The following APP variants were observed in gnomAD, a reference collection of about 807,000 sequenced individuals.
APP encodes the protein amyloid beta precursor protein, also known as amyloid-beta precursor protein.
A neutral mutation model predicts 101.4 loss-of-function variants in APP; 31 were observed. That is an observed-to-expected ratio of 0.31 (90% CI 0.23 to 0.41). The LOEUF (loss-of-function observed/expected upper bound fraction) is 0.41, where lower values mean the gene tolerates loss of function less well. APP is among the 10% of genes least tolerant of loss of function. The pLI, the probability that APP is intolerant of heterozygous loss-of-function variation, is 1.00. For synonymous variants in APP, 366 were observed against 364.4 expected (o/e 1.00, Z -0.05); for missense variants, 839 against 1,003.7 (o/e 0.84, Z 2.22).
In APP at chr21:25,905,007, T is replaced by C. The variant is rs1236508947; in HGVS notation, c.1963+17A>G. On this transcript the variant is annotated intron_variant, in intron 15 of 17. Coordinates refer to ENST00000346798, the MANE Select transcript of APP (RefSeq NM_000484.4). ...GGCCCAAGATGCGGAGAGGCACAAG[T>C]CAAGCGGTTCTGATACCTGGTCGAG... 1.2e-6 allele frequency: 2 copies of C among 1,612,808 alleles called. No homozygotes were observed. Among genetic ancestry groups the C allele is most frequent in the African/African-American group, 2.7e-5 (2 of 74,864 alleles).
chr21:25,927,176 C>T (rs2039937628), intron 13 of APP, among the ~76,000 whole-genome samples: 1 of 152,132 alleles, frequency 6.6e-6, no homozygotes, highest in Non-Finnish European at 1.5e-5. Flanking sequence ...CACGGAGATT[C>T]CTGATGGTGG....
rs1452072147 is a variant in APP, at chr21:25,881,373, T to A, written c.*297A>T. ...GGCTAAGGGGCTATGTGATAAATAA[T>A]CAGGAGAGAATCTATTCATGCACTA... On this transcript the variant is annotated 3_prime_UTR_variant, in exon 18 of 18. Coordinates refer to ENST00000346798, the MANE Select transcript of APP (RefSeq NM_000484.4). The A allele has an allele frequency of 2.2e-6, 1 of 452,146 alleles. No homozygotes were observed. The highest frequency in any genetic ancestry group is 4.5e-5 in the East Asian group (1 of 22,190). The allele number at this position is 452,146 out of a possible 1,614,324, so 28.0% of individuals were successfully genotyped here. A position where few individuals can be genotyped will look rare whatever the true frequency, so the allele number is the denominator to read the frequency against.
chr21:26,106,391 G>T (rs1051755589), intron 2 of APP, among the ~76,000 whole-genome samples: 1 of 152,058 alleles, frequency 6.6e-6, no homozygotes, highest in Non-Finnish European at 1.5e-5. Context: ...TTGTTTAGGG[G>T]GTTTTTATCA....
chr21:26,152,355 AAAC>A (rs2063295756), intron 1 of APP, among the ~76,000 whole-genome samples: 1 of 151,454 alleles, frequency 6.6e-6, no homozygotes, highest in Non-Finnish European at 1.5e-5. Flanking sequence ...ATGTACAAAC[AAAC>A]AAAACAAAAC....
intron 6 of APP, among the ~76,000 whole-genome samples, chr21:26,013,165 CAGTT>C (rs905912594): frequency 3.3e-5 from 5 of 151,970 alleles, no homozygotes; most frequent in African/African-American, 1.2e-4. Flanking sequence ...AAAAATACAA[CAGTT>C]AGCCAGGCGC....
At chr21:26,167,113 C>A (rs1250654330) in intron 1 of APP, among the ~76,000 whole-genome samples, 1 of 152,198 alleles carries the variant, frequency 6.6e-6, no homozygotes. Context: ...TTGTTCCTTA[C>A]TTTTTAAATA....
chr21:26,034,151 GCAT>G (rs1568887138), intron 5 of APP, among the ~76,000 whole-genome samples: 16 of 152,130 alleles, frequency 1.1e-4, no homozygotes, highest in African/African-American at 3.6e-4. Context: ...CTCACTTTCT[GCAT>G]GGATAATATG....
intron 3 of APP, among the ~76,000 whole-genome samples, chr21:26,064,801 C>G (rs2046397543): frequency 6.6e-6 from 1 of 152,288 alleles, no homozygotes; most frequent in Middle Eastern, 3.4e-3. Context: ...AGGAATGGCT[C>G]TCTGGGTTAG....
At chr21:26,106,979 G>T (rs762176500) in intron 2 of APP, among the ~76,000 whole-genome samples, 3 of 152,170 alleles carry the variant, frequency 2.0e-5, no homozygotes, top group Non-Finnish European at 4.4e-5. Context: ...CCAAAAACAA[G>T]ATATGAGCAA....
chr21:26,047,250 G>A (rs1474809309), intron 5 of APP, among the ~76,000 whole-genome samples: 2 of 152,244 alleles, frequency 1.3e-5, no homozygotes, highest in East Asian at 3.9e-4. Flanking sequence ...ATCAAAACAA[G>A]CCTCATTAAC....
At chr21:26,163,128 C>T (rs913354692) in intron 1 of APP, among the ~76,000 whole-genome samples, 1 of 148,648 alleles carries the variant, frequency 6.7e-6, no homozygotes, top group African/African-American at 2.5e-5. Flanking sequence ...GTAAACCCAG[C>T]TATTCAGGAG....
intron 11 of APP, among the ~76,000 whole-genome samples, chr21:25,971,677 G>T (rs1168893923): frequency 6.6e-6 from 1 of 152,208 alleles, no homozygotes; most frequent in Non-Finnish European, 1.5e-5. Context: ...AAGCCAGGGG[G>T]AAAATCACCA....
intron 3 of APP, among the ~76,000 whole-genome samples, chr21:26,054,684 T>G (rs960134959): frequency 7.2e-6 from 1 of 139,684 alleles, no homozygotes; most frequent in African/African-American, 2.6e-5. Flanking sequence ...TAGATCAGCA[T>G]AGTGAAACCA....
chr21:26,141,043 A>C (rs2063034693), intron 1 of APP, among the ~76,000 whole-genome samples: 1 of 152,240 alleles, frequency 6.6e-6, no homozygotes, highest in Non-Finnish European at 1.5e-5. Flanking sequence ...CATCTGTAAA[A>C]TGGAGTATCT....
At chr21:26,135,452 A>G (rs1395467384) in intron 1 of APP, among the ~76,000 whole-genome samples, 1 of 152,254 alleles carries the variant, frequency 6.6e-6, no homozygotes. Flanking sequence ...TACAAAATAC[A>G]GAAGTTTTCT....
intron 2 of APP, among the ~76,000 whole-genome samples, chr21:26,093,280 C>T (rs2830052): frequency 0.77 from 116,829 of 151,964 alleles, 45,037 homozygotes; most frequent in South Asian, 0.9. Context: ...TGTATGACAC[C>T]TGAGAGTCCA....
intron 1 of APP, chr21:26,169,193 T>A (rs1448902603): frequency 6.6e-6 from 1 of 152,226 alleles, no homozygotes; most frequent in Non-Finnish European, 1.5e-5. Context: ...GAGAGTTGGA[T>A]GAATGGGGAA....
chr21:26,106,475 C>T (rs540542079), intron 2 of APP, among the ~76,000 whole-genome samples: 24 of 152,310 alleles, frequency 1.6e-4, no homozygotes, highest in African/African-American at 5.5e-4. Flanking sequence ...TGTTCCCTCC[C>T]CTTTCCAAGA....
intron 3 of APP, among the ~76,000 whole-genome samples, chr21:26,068,780 G>A (rs201509889): frequency 0.074 from 11,269 of 152,092 alleles, 842 homozygotes; most frequent in East Asian, 0.23. Flanking sequence ...ATAAAGTAAG[G>A]CTCTGTCTTC....
Sources: gnomAD v4.1 joint callset for allele counts (sites outside exome capture counted in the v4.1 genomes callset) on GRCh38, gnomAD v4.1.1 for gene constraint, MANE v1.5 for transcripts, NCBI Gene and HGNC (gene_info 2026-07-23, HGNC 2026-07-21) for gene names.